Variants in USP24 observed in about 807,000 individuals in gnomAD.
USP24 encodes ubiquitin specific peptidase 24.
In USP24, 97 loss-of-function variants were observed where a neutral mutation model predicts 361.6. That is an observed-to-expected ratio of 0.27 (90% CI 0.23 to 0.32). USP24 has a LOEUF of 0.32. Ranked by LOEUF, USP24 falls within the 10% of genes least tolerant of loss-of-function variation. The pLI, the probability that USP24 is intolerant of heterozygous loss-of-function variation, is 1.00. For synonymous variants in USP24, 1,098 were observed against 1,124.6 expected, an observed-to-expected ratio of 0.98 and a Z score of 0.47; for missense variants, 2,353 against 3,165.6, an observed-to-expected ratio of 0.74 and a Z score of 6.16.
intron 59 of USP24, among the ~76,000 whole-genome samples, chr1:55,079,947 A>G (rs1023625563): frequency 2.6e-5 from 4 of 152,032 alleles, no homozygotes; most frequent in Non-Finnish European, 5.9e-5. Context: ...TCACAAACAC[A>G]CTGAGTACTC....
chr1:55,103,360 T>A (rs1249281882), intron 42 of USP24, among the ~76,000 whole-genome samples: 1 of 152,206 alleles, frequency 6.6e-6, no homozygotes, highest in African/African-American at 2.4e-5. Context: ...TCATATTGTA[T>A]CACATTACAT....
chr1:55,084,139 G>C lies in USP24; in HGVS notation c.6766-251C>G, dbSNP rs114076899. ...TCAGTTCCTAGATTTCAGAGTCAAG[G>C]GCATCAATTCTACCGCTGAGTCACA... is the stretch of plus-strand genomic sequence containing the variant. On this transcript the variant is annotated intron_variant, in intron 56 of 67. Transcript: ENST00000294383. Among the ~76,000 whole-genome samples the C allele has an allele frequency of 3.7e-4, 57 of 152,186 alleles. 1 individual carries two copies. Among genetic ancestry groups the C allele is most frequent in the African/African-American group, 1.3e-3 (55 of 41,508 alleles).
rs776192527 is a variant in USP24 at position 55,099,917 on chromosome 1, G to C, written c.5272-48C>G. 4.4e-6 allele frequency: 6 copies of C among 1,362,764 alleles called. No individual in the cohort carries two copies. The South Asian group carries it at 7.6e-5, about 17-fold the overall frequency. 84.4% of individuals were successfully genotyped at this position (1,362,764 alleles called of 1,614,324 possible). On this transcript the variant is annotated intron_variant, in intron 44 of 67. Transcript: ENST00000294383. ...TTTTAAAGGAAAAGTAGCAATTTCT[G>C]AATGTGGTAGAAAGGGAACATGAAA...
intron 32 of USP24, among the ~76,000 whole-genome samples, chr1:55,127,783 C>T (rs559558596): frequency 6.6e-6 from 1 of 152,272 alleles, no homozygotes; most frequent in African/African-American, 2.4e-5. Context: ...GATGGTATCT[C>T]ATTGTGGTTT....
At chr1:55,153,971 A>C in intron 15 of USP24, 54 bp from the exon 16 acceptor site, 1 of 1,542,580 alleles carries the variant, frequency 6.5e-7, no homozygotes. Context: ...CAATACCTAT[A>C]ATTTCCCGAT....
chr1:55,071,491 C>T (rs1368230658), intron 67 of USP24: 3 of 1,068,396 alleles, frequency 2.8e-6, no homozygotes, highest in Non-Finnish European at 3.4e-6. Context: ...TTTCAGTAAC[C>T]TGGCAAGGCA....
At chr1:55,117,851 C>T (rs1187843566) in intron 38 of USP24, among the ~76,000 whole-genome samples, 1 of 149,042 alleles carries the variant, frequency 6.7e-6, no homozygotes, top group Non-Finnish European at 1.5e-5. Flanking sequence ...CTTACACTAA[C>T]AATGATCAAA....
Position 55,178,143 on chromosome 1 carries a change from G to C in USP24, c.325-11C>G, listed in dbSNP as rs1449516362. The C allele has an allele frequency of 2.7e-6, 4 of 1,507,564 alleles. No homozygotes were observed. The highest frequency in any genetic ancestry group is 1.7e-5 in the African/African-American group (1 of 60,166). The allele number at this position is 1,507,564 out of a possible 1,614,324, so 93.4% of individuals were successfully genotyped here. A position where few individuals can be genotyped will look rare whatever the true frequency, so the allele number is the denominator to read the frequency against. ...ATTCTCATCATTCTTCTGACGAAAA[G>C]GGATTAAGATAAAAAGCAAATAAAA... On this transcript the variant is annotated splice_polypyrimidine_tract_variant and intron_variant, in intron 1 of 67. Coordinates refer to ENST00000294383, the MANE Select transcript of USP24 (RefSeq NM_015306.3).
At chr1:55,099,921 G>A (rs1645589841) in intron 44 of USP24, 52 bp from the exon 45 acceptor site, 1 of 1,328,442 alleles carries the variant, frequency 7.5e-7, no homozygotes, top group Non-Finnish European at 1.0e-6. Context: ...ATTTCTGAAT[G>A]TGGTAGAAAG....
chr1:55,194,128 T>C (rs1290717048), intron 1 of USP24, among the ~76,000 whole-genome samples: 1 of 152,186 alleles, frequency 6.6e-6, no homozygotes, highest in Admixed American at 6.5e-5. Flanking sequence ...GTAAAACTTA[T>C]TTTCTTCCAA....
chr1:55,199,999 A>C (rs1644528744), intron 1 of USP24, among the ~76,000 whole-genome samples: 2 of 152,228 alleles, frequency 1.3e-5, no homozygotes, highest in Non-Finnish European at 2.9e-5. Context: ...ACTCCTGATA[A>C]AACCATCAGA....
At chr1:55,133,636 CTCTT>C (rs1344527652) in intron 30 of USP24, among the ~76,000 whole-genome samples, 1 of 105,852 alleles carries the variant, frequency 9.4e-6, no homozygotes, top group Non-Finnish European at 1.8e-5. Context: ...TTCTCTCTCT[CTCTT>C]TTTTTTTTTT....
At chr1:55,197,236 T>C (rs1644443087) in intron 1 of USP24, among the ~76,000 whole-genome samples, 1 of 152,132 alleles carries the variant, frequency 6.6e-6, no homozygotes, top group African/African-American at 2.4e-5. Context: ...GCCCTTATCA[T>C]ACCCCCTACC....
At chr1:55,148,433 TATA>T (rs757489654) in intron 17 of USP24, 27 bp downstream of exon 17, 28 of 1,487,114 alleles carry the variant, frequency 1.9e-5, no homozygotes, top group Middle Eastern at 1.7e-4. Flanking sequence ...TGCAAGTAAC[TATA>T]ATAATAAAAA....
At chr1:55,207,490 G>T (rs192197130) in intron 1 of USP24, among the ~76,000 whole-genome samples, 2 of 152,166 alleles carry the variant, frequency 1.3e-5, no homozygotes, top group Admixed American at 1.3e-4. Context: ...CATATCTGCA[G>T]ATTCAACCAA....
intron 65 of USP24, among the ~76,000 whole-genome samples, 170 bp from the exon 66 acceptor site, chr1:55,072,573 A>G (rs1283512193): frequency 2.6e-5 from 4 of 152,374 alleles, no homozygotes; most frequent in East Asian, 1.9e-4. Flanking sequence ...ATTGCTTCTT[A>G]TATCATCATC....
intron 1 of USP24, among the ~76,000 whole-genome samples, chr1:55,184,676 T>C (rs1172481838): frequency 2.0e-5 from 3 of 152,232 alleles, no homozygotes; most frequent in East Asian, 1.9e-4. Context: ...ATAGAGCATA[T>C]GTTAGGTTGT....
chr1:55,098,514 G>A lies in USP24; in HGVS notation c.5415C>T (p.Ile1805=). The A allele has an allele frequency of 6.2e-7, 1 of 1,613,128 alleles. No individual in the cohort carries two copies. The highest frequency in any genetic ancestry group is 8.5e-7 in the Non-Finnish European group (1 of 1,179,484). The change falls in exon 46 of 68, where the codon ATC becomes ATT. Residue 1805 remains isoleucine (I), a synonymous_variant. Transcript: ENST00000294383. ...CTTTACAGATCTTCTGATCAGAGTA[G>A]ATGCCCTGAAATGTATTCTTAAAAA... ...DQIFKNTFQG[I]YSDQKICKDC...
At chr1:55,153,197 AGAG>A (rs977103673) in intron 16 of USP24, among the ~76,000 whole-genome samples, 128 of 152,254 alleles carry the variant, frequency 8.4e-4, no homozygotes, top group African/African-American at 2.8e-3. Flanking sequence ...CAGCCCTCTC[AGAG>A]GAGAGGCTTG....
Sources: allele counts gnomAD v4.1 joint callset (sites outside exome capture counted in the v4.1 genomes callset), GRCh38; gene constraint gnomAD v4.1.1; transcripts MANE v1.5; gene names NCBI Gene and HGNC (gene_info 2026-07-23, HGNC 2026-07-21).